Variants in CASZ1 observed in about 807,000 individuals in gnomAD.
CASZ1 encodes castor zinc finger 1, also known as zinc finger protein castor homolog 1.
A neutral mutation model predicts 135.2 loss-of-function variants in CASZ1; 28 were observed. The ratio of observed to expected loss-of-function variants is 0.21; its 90% CI spans 0.15 to 0.28. The LOEUF (loss-of-function observed/expected upper bound fraction) is 0.28. CASZ1 is among the 10% of genes least tolerant of loss of function. CASZ1 has a pLI of 1.00. For missense variants in CASZ1, 2,161 were observed against 2,453.3 expected (o/e 0.88, Z 2.52); for synonymous variants, 1,068 against 1,073.4 (o/e 0.99, Z 0.10).
intron 2 of CASZ1, among the ~76,000 whole-genome samples, chr1:10,746,010 G>A (rs2100544143): frequency 6.6e-6 from 1 of 152,398 alleles, no homozygotes. Context: ...AAGCAGTGCA[G>A]AGGGAAGCCT....
In CASZ1 at chr1:10,757,450, C is replaced by G. The variant is rs866931777; in HGVS notation, c.-77+3251G>C. On this transcript the variant is annotated intron_variant, in intron 2 of 20. Coordinates refer to ENST00000377022, the MANE Select transcript of CASZ1 (RefSeq NM_001079843.3). The surrounding 1 kb of genome is among the most constrained non-coding windows in gnomAD (Gnocchi z 4.6). Reference sequence around the variant, plus strand: ...ACCATCGGCTGCAGCAGCTGCCCCTCTGGCCTCCCAATTTCTTCCCTTGGC... The same window carrying G: ...ACCATCGGCTGCAGCAGCTGCCCCTGTGGCCTCCCAATTTCTTCCCTTGGC... Among the ~76,000 whole-genome samples the G allele has an allele frequency of 1.2e-4, 19 of 152,322 alleles. No homozygotes were observed. The South Asian group carries it at 1.9e-3, about 15-fold the overall frequency.
chr1:10,743,470 C>T (rs1639968529), intron 2 of CASZ1, among the ~76,000 whole-genome samples: 2 of 151,912 alleles, frequency 1.3e-5, no homozygotes, highest in African/African-American at 2.4e-5. Flanking sequence ...TAAGTGTACC[C>T]CGGCATCCTC....
Position 10,638,913 on chromosome 1 carries a change from G to T in CASZ1, c.*29C>A. ...CGCCGCTCCCGAGGCCGAGGCCGAG[G>T]CCGCCGCCAGGGCCACCCGCGGGCG... is the stretch of plus-strand genomic sequence containing the variant. On this transcript the variant is annotated 3_prime_UTR_variant, in exon 21 of 21. Transcript: ENST00000377022. The surrounding 1 kb of genome is among the most constrained non-coding windows in gnomAD (Gnocchi z 5.9). 1.0e-6 allele frequency: 1 copy of T among 963,814 alleles called. No individual in the cohort carries two copies. Among genetic ancestry groups the T allele is most frequent in the South Asian group, 4.7e-5 (1 of 21,144 alleles). 59.7% of individuals were successfully genotyped at this position (963,814 alleles called of 1,614,324 possible). A position where few individuals can be genotyped will look rare whatever the true frequency, so the allele number is the denominator to read the frequency against.
rs1028270321 is a variant in CASZ1 at position 10,756,418 on chromosome 1, G to A, written c.-77+4283C>T. Among the ~76,000 whole-genome samples, 1 of 152,324 alleles carries A rather than the reference G, an allele frequency of 6.6e-6. No homozygotes were observed. ...GGCTGGCCCATATGGCTGGGAATAC[G>A]TTGCCAGCAAGGGCAAGTGCTCACG... On this transcript the variant is annotated intron_variant, in intron 2 of 20. Transcript: ENST00000377022. The surrounding 1 kb of genome is among the most constrained non-coding windows in gnomAD (Gnocchi z 5.9).
At position 10,666,376 on chromosome 1, in the gene CASZ1, A is replaced by G. The variant is rs1214536463; in HGVS notation, c.17-805T>C. 6.6e-6 allele frequency among the ~76,000 whole-genome samples: 1 copy of G among 151,938 alleles called. No individual in the cohort carries two copies. Among genetic ancestry groups the G allele is most frequent in the African/African-American group, 2.4e-5 (1 of 41,364 alleles). On this transcript the variant is annotated intron_variant, in intron 4 of 20. Coordinates refer to ENST00000377022, the MANE Select transcript of CASZ1 (RefSeq NM_001079843.3). The surrounding 1 kb of genome is among the most constrained non-coding windows in gnomAD (Gnocchi z 5.2). Reference sequence around the variant, plus strand: ...TTTCCTGTTGCCACTCCCTTCCCCAAGCCTCAGTCAGAGCCATCCAAGTGG... The same window carrying G: ...TTTCCTGTTGCCACTCCCTTCCCCAGGCCTCAGTCAGAGCCATCCAAGTGG...
chr1:10,658,364 G>T, intron 7 of CASZ1, 144 bp downstream of exon 7: 1 of 670,294 alleles, frequency 1.5e-6, no homozygotes, highest in Admixed American at 2.2e-5. Flanking sequence ...CCTCGGTGCG[G>T]TGGAGGGACC....
In CASZ1 at chr1:10,659,785, G is replaced by C; in HGVS notation, c.1257C>G (p.Ser419=). The stretch of plus-strand genomic sequence containing the variant: ...GGTACTCGGGAGTGTTGAAGGACAG[G>C]GAGGCAGGAGGCTCTGGCCCTGGCC... ...APGPGPEPPA[S]LSFNTPEYLK... Residue 419 remains serine, a synonymous_variant, in exon 6 of 21, where the codon TCC becomes TCG. Coordinates refer to ENST00000377022, the MANE Select transcript of CASZ1 (RefSeq NM_001079843.3). 1.2e-6 allele frequency: 2 copies of C among 1,614,016 alleles called. No individual in the cohort carries two copies. The highest frequency in any genetic ancestry group is 1.7e-6 in the Non-Finnish European group (2 of 1,179,908).
chr1:10,667,042 C>G (rs1027134288), intron 4 of CASZ1, among the ~76,000 whole-genome samples: 1 of 152,342 alleles, frequency 6.6e-6, no homozygotes, highest in Middle Eastern at 3.4e-3. Flanking sequence ...CAGGGCCCCC[C>G]GGCTCCATGG....
chr1:10,648,824 G>T (rs1362176248), intron 15 of CASZ1: 3 of 527,916 alleles, frequency 5.7e-6, no homozygotes, highest in Non-Finnish European at 1.0e-5. Flanking sequence ...TGGGGACGTG[G>T]GTGCAGCAGC....
At chr1:10,792,319 TCC>T (rs1553144420) in intron 1 of CASZ1, among the ~76,000 whole-genome samples, 1 of 16,918 alleles carries the variant, frequency 5.9e-5, no homozygotes, top group African/African-American at 2.9e-4. Context: ...GGCTTACCCC[TCC>T]CCCCCGCCCC....
chr1:10,777,375 G>A lies in CASZ1; in HGVS notation c.-233-16518C>T, dbSNP rs1416971133. On this transcript the variant is annotated intron_variant, in intron 1 of 20. Transcript: ENST00000377022. This position sits in a 1 kb window ranked among gnomAD's most constrained non-coding sequence, Gnocchi z 4.4. ...CTGTGACTTCACCCTTCACCCACAA[G>A]CCTCCTTTCTCTTATTGGTCAAACC... Among the ~76,000 whole-genome samples, 1 of 152,058 alleles carries A rather than the reference G, an allele frequency of 6.6e-6. No homozygotes were observed. The highest frequency in any genetic ancestry group is 1.5e-5 in the Non-Finnish European group (1 of 68,008).
chr1:10,691,361 A>G (rs1388445648), intron 4 of CASZ1, among the ~76,000 whole-genome samples: 3 of 152,148 alleles, frequency 2.0e-5, no homozygotes, highest in African/African-American at 7.2e-5. Context: ...ATGGCCCCTG[A>G]GGGTCCTGAG....
rs201728935 is a variant in CASZ1, at chr1:10,747,205, C to CT, written c.-77+13495_-77+13496insA. ...CCTCTGAGCCTCTGGCCCTTGGAGA[C>CT]ATAGGCCACCTGAGACTAAGGGTGG... On this transcript the variant is annotated intron_variant, in intron 2 of 20. Coordinates refer to ENST00000377022, the MANE Select transcript of CASZ1 (RefSeq NM_001079843.3). The surrounding 1 kb of genome is among the most constrained non-coding windows in gnomAD (Gnocchi z 4.3). 0.013 allele frequency among the ~76,000 whole-genome samples: 2,025 copies of CT among 152,326 alleles called. 40 individuals are homozygous for CT. Among genetic ancestry groups the CT allele is most frequent in the African/African-American group, 0.041 (1,714 of 41,580 alleles).
chr1:10,637,577 C>G lies in CASZ1; in HGVS notation c.*1365G>C, dbSNP rs1642033392. The G allele has an allele frequency of 6.6e-6, 1 of 152,388 alleles. No individual in the cohort carries two copies. The highest frequency in any genetic ancestry group is 1.5e-5 in the Non-Finnish European group (1 of 68,066). 9.4% of individuals were successfully genotyped at this position (152,388 alleles called of 1,614,324 possible). Reference sequence around the variant, plus strand: ...TCTCTCCCGGTGGCCCAATCTGACACCAGCTGGTGGCCTGGAGTAGGGAAG... The same window carrying G: ...TCTCTCCCGGTGGCCCAATCTGACAGCAGCTGGTGGCCTGGAGTAGGGAAG... On this transcript the variant is annotated 3_prime_UTR_variant, in exon 21 of 21. Coordinates refer to ENST00000377022, the MANE Select transcript of CASZ1 (RefSeq NM_001079843.3).
At chr1:10,731,842 CA>C (rs974303515) in intron 2 of CASZ1, among the ~76,000 whole-genome samples, 2 of 152,070 alleles carry the variant, frequency 1.3e-5, no homozygotes, top group Non-Finnish European at 2.9e-5. Context: ...AGAAACTTGC[CA>C]AAAAATGTAA....
rs760013621 is a variant in CASZ1, at chr1:10,648,072, C to T, written c.3226G>A (p.Ala1076Thr). 21 of 1,585,076 alleles carry T rather than the reference C, an allele frequency of 1.3e-5. No individual in the cohort carries two copies. Among genetic ancestry groups the T allele is most frequent in the South Asian group, 9.1e-5 (8 of 87,796 alleles). Residue 1076 changes from alanine to threonine, a missense_variant, in exon 16 of 21, where the codon GCC becomes ACC. Coordinates refer to ENST00000377022, the MANE Select transcript of CASZ1 (RefSeq NM_001079843.3). ...GGGGCCATGGGAGGTTTGGTCTCGG[C>T]GGCCGAGGCCGGAAAGGCAGCCTCT... ...NTEAAFPASA[A>T]ETKPPMAPSS...
At chr1:10,742,793 G>A (rs919555936) in intron 2 of CASZ1, among the ~76,000 whole-genome samples, 4 of 152,058 alleles carry the variant, frequency 2.6e-5, no homozygotes, top group Admixed American at 1.3e-4. Context: ...AGACCAGCCC[G>A]GGCAACATGG....
chr1:10,693,439 A>C (rs911203466), intron 4 of CASZ1, among the ~76,000 whole-genome samples: 1 of 145,346 alleles, frequency 6.9e-6, no homozygotes, highest in Admixed American at 7.2e-5. Context: ...ACCACCCCCC[A>C]CTAAAAAAAT....
At chr1:10,674,937 G>C (rs926751119) in intron 4 of CASZ1, among the ~76,000 whole-genome samples, 2 of 152,192 alleles carry the variant, frequency 1.3e-5, no homozygotes, top group Non-Finnish European at 2.9e-5. Flanking sequence ...GGCAGCAGGG[G>C]AGCAGCCCTG....
Sources: allele counts gnomAD v4.1 joint callset (sites outside exome capture counted in the v4.1 genomes callset), GRCh38; gene constraint gnomAD v4.1.1; non-coding constraint Gnocchi (gnomAD v3.1); transcripts MANE v1.5; gene names NCBI Gene and HGNC (gene_info 2026-07-23, HGNC 2026-07-21).